The following ADARB2 variants were observed in gnomAD, a reference collection of about 807,000 sequenced individuals.
The protein encoded by ADARB2 is adenosine deaminase RNA specific B2 (inactive).
ADARB2 carries 25 observed loss-of-function variants against 62.2 expected under a neutral mutation model. The ratio of observed to expected loss-of-function variants is 0.40; its 90% CI spans 0.29 to 0.56. ADARB2 has a LOEUF of 0.56. ADARB2 is among the 20% of genes least tolerant of loss of function. The probability of loss-of-function intolerance (pLI) is 0.43; values close to 1 mark genes in which losing one functional copy is unlikely to be tolerated. For synonymous variants in ADARB2, 572 were observed against 500.8 expected (o/e 1.14, Z -1.90); for missense variants, 1,071 against 1,077.4 (o/e 0.99, Z 0.08).
At chr10:1,310,751 A>T (rs563905792) in intron 3 of ADARB2, among the ~76,000 whole-genome samples, 1 of 152,238 alleles carries the variant, frequency 6.6e-6, no homozygotes, top group African/African-American at 2.4e-5. Flanking sequence ...CTGGCGCCTC[A>T]ATCTCCTGTC....
chr10:1,407,954 T>C (rs1401617907), intron 1 of ADARB2, among the ~76,000 whole-genome samples: 1 of 152,204 alleles, frequency 6.6e-6, no homozygotes, highest in Non-Finnish European at 1.5e-5. Context: ...ATCTCAGTAT[T>C]ATAGAAAATA....
intron 3 of ADARB2, among the ~76,000 whole-genome samples, chr10:1,302,822 C>A (rs1381232843): frequency 1.3e-5 from 2 of 152,158 alleles, no homozygotes; most frequent in African/African-American, 4.8e-5. Flanking sequence ...AGGGTCCTGT[C>A]TGTTAGAAGG....
At chr10:1,205,916 A>ACGGGGCAGCCCGCTGGGGTCAGGTGG (rs1564219745) in intron 7 of ADARB2, among the ~76,000 whole-genome samples, 1 of 79,298 alleles carries the variant, frequency 1.3e-5, no homozygotes, top group Non-Finnish European at 2.5e-5. Flanking sequence ...GGTCAGGTGG[A>ACGGGGCAGCCCGCTGGGGTCAGGTGG]GGTCACGGGG....
chr10:1,363,020 C>T lies in ADARB2; in HGVS notation c.1077+8G>A. ...GCCCGTTCCCCCTGCACCCGCCGCG[C>T]CCCTCACCTGCGGCATTGGCGTCCT... On this transcript the variant is annotated splice_region_variant and intron_variant, in intron 3 of 9. Transcript: ENST00000381312. 1.5e-6 allele frequency: 2 copies of T among 1,363,186 alleles called. No homozygotes were observed. Among genetic ancestry groups the T allele is most frequent in the Non-Finnish European group, 1.9e-6 (2 of 1,055,600 alleles). The allele number at this position is 1,363,186 out of a possible 1,614,324, so 84.4% of individuals were successfully genotyped here.
intron 1 of ADARB2, among the ~76,000 whole-genome samples, chr10:1,560,508 G>A (rs1410175701): frequency 3.5e-5 from 1 of 28,520 alleles, no homozygotes; most frequent in African/African-American, 7.4e-5. Context: ...ACACACGGGG[G>A]GCACCCTGGG....
At chr10:1,184,548 A>C (rs1441735983) in intron 9 of ADARB2, among the ~76,000 whole-genome samples, 1 of 151,232 alleles carries the variant, frequency 6.6e-6, no homozygotes, top group East Asian at 1.9e-4. Context: ...AAAAGTCCCC[A>C]GGAGCTGCTT....
At chr10:1,726,974 C>T (rs1180050410) in intron 1 of ADARB2, among the ~76,000 whole-genome samples, 1 of 152,148 alleles carries the variant, frequency 6.6e-6, no homozygotes, top group Non-Finnish European at 1.5e-5. Context: ...GTTTTTAGAA[C>T]ATGTTCTAGA....
intron 1 of ADARB2, among the ~76,000 whole-genome samples, chr10:1,395,368 C>T (rs938508705): frequency 2.6e-5 from 4 of 152,208 alleles, no homozygotes; most frequent in Admixed American, 6.5e-5. Context: ...GACTCTCCGA[C>T]GGTCCTGGGA....
chr10:1,429,518 T>C (rs1830757501), intron 1 of ADARB2, among the ~76,000 whole-genome samples: 1 of 152,200 alleles, frequency 6.6e-6, no homozygotes, highest in Admixed American at 6.5e-5. Flanking sequence ...CCAACCCACA[T>C]GGATGCTGCA....
chr10:1,332,284 G>A (rs1289509974), intron 3 of ADARB2, among the ~76,000 whole-genome samples: 1 of 152,008 alleles, frequency 6.6e-6, no homozygotes, highest in Non-Finnish European at 1.5e-5. Context: ...GACGTCTATA[G>A]TCCCAGCTAC....
At chr10:1,464,490 G>A (rs868550165) in intron 1 of ADARB2, among the ~76,000 whole-genome samples, 108 of 76,488 alleles carry the variant, frequency 1.4e-3, no homozygotes, top group Middle Eastern at 0.01. Flanking sequence ...CGTGCTGGGG[G>A]CAGTCACAGC....
intron 1 of ADARB2, among the ~76,000 whole-genome samples, chr10:1,646,352 T>C (rs1834042023): frequency 6.6e-6 from 1 of 152,270 alleles, no homozygotes; most frequent in Non-Finnish European, 1.5e-5. Flanking sequence ...CTTGAGGGAC[T>C]ATTTTCTAGC....
intron 1 of ADARB2, among the ~76,000 whole-genome samples, chr10:1,431,927 C>A (rs1001892745): frequency 6.6e-6 from 1 of 152,148 alleles, no homozygotes; most frequent in Non-Finnish European, 1.5e-5. Context: ...AGTCTTATAA[C>A]CATTAAGTGA....
intron 7 of ADARB2, among the ~76,000 whole-genome samples, chr10:1,206,950 C>T (rs997893386): frequency 6.6e-5 from 10 of 152,192 alleles, no homozygotes; most frequent in Admixed American, 6.5e-4. Context: ...TGCAGGAGGG[C>T]AGAGCCGCGA....
chr10:1,533,252 G>T (rs1832273502), intron 1 of ADARB2, among the ~76,000 whole-genome samples: 1 of 151,736 alleles, frequency 6.6e-6, no homozygotes, highest in African/African-American at 2.4e-5. Context: ...CCGAGTAGCT[G>T]GGACTACAGG....
intron 1 of ADARB2, among the ~76,000 whole-genome samples, chr10:1,727,810 T>A (rs747694970): frequency 6.6e-6 from 1 of 152,190 alleles, no homozygotes; most frequent in African/African-American, 2.4e-5. Context: ...CGTCCACTCC[T>A]TTTGCTCATG....
At position 1,368,444 on chromosome 10, in the gene ADARB2, TCTCCCTG is replaced by T. The variant is rs753293090; in HGVS notation, c.188-4534_188-4528del. 6.6e-4 allele frequency among the ~76,000 whole-genome samples: 101 copies of T among 152,180 alleles called. No homozygotes were observed. In the Middle Eastern group the frequency reaches 0.017, roughly 26 times the overall value. The stretch of plus-strand genomic sequence containing the variant: ...CTTCTCTCTGTCCGGGCCCTACTTC[TCTCCCTG>T]CTCATCTTTTTCCCTGAGCTTCTCC... On this transcript the variant is annotated intron_variant, in intron 2 of 9. Transcript: ENST00000381312.
At chr10:1,200,959 G>C (rs1392044626) in intron 7 of ADARB2, among the ~76,000 whole-genome samples, 1 of 152,034 alleles carries the variant, frequency 6.6e-6, no homozygotes, top group African/African-American at 2.4e-5. Flanking sequence ...CGCATGCAGC[G>C]TCTCTTTTCA....
chr10:1,603,015 CACAT>C (rs1409478393), intron 1 of ADARB2, among the ~76,000 whole-genome samples: 1 of 140,886 alleles, frequency 7.1e-6, no homozygotes, highest in Non-Finnish European at 1.6e-5. Context: ...ACTGTACACA[CACAT>C]ACACACATCA....
Sources: gnomAD v4.1 joint callset for allele counts (sites outside exome capture counted in the v4.1 genomes callset) on GRCh38, gnomAD v4.1.1 for gene constraint, MANE v1.5 for transcripts, NCBI Gene and HGNC (gene_info 2026-07-23, HGNC 2026-07-21) for gene names.